Variants in EPG5 observed in about 807,000 individuals in gnomAD.
EPG5 encodes the protein ectopic P granules protein 5 homolog.
Under a neutral mutation model 302.7 loss-of-function variants are expected in EPG5, and 159 were observed. That is an observed-to-expected ratio of 0.53 (90% CI 0.46 to 0.60). The LOEUF (loss-of-function observed/expected upper bound fraction) is 0.60, where lower values mean the gene tolerates loss of function less well. Among genes scored for constraint, EPG5 ranks in the 20% least tolerant of loss-of-function variants. The pLI, the probability that EPG5 is intolerant of heterozygous loss-of-function variation, is 0.00. For missense variants in EPG5, 2,896 were observed against 3,092.4 expected, an observed-to-expected ratio of 0.94 and a Z score of 1.51; for synonymous variants, 1,158 against 1,136.8, an observed-to-expected ratio of 1.02 and a Z score of -0.37.
chr18:45,966,436 G>A (rs1299190557), intron 1 of EPG5, among the ~76,000 whole-genome samples: 2 of 141,596 alleles, frequency 1.4e-5, no homozygotes, highest in Non-Finnish European at 3.0e-5. Flanking sequence ...ATATATGTAC[G>A]TATATATGTA....
chr18:45,962,449 A>T (rs1484730345), intron 1 of EPG5, among the ~76,000 whole-genome samples: 3 of 152,190 alleles, frequency 2.0e-5, no homozygotes, highest in Non-Finnish European at 4.4e-5. Flanking sequence ...CAAATCTAAG[A>T]ATCTACTGTA....
intron 29 of EPG5, among the ~76,000 whole-genome samples, chr18:45,886,229 A>T (rs751017594): frequency 5.9e-5 from 9 of 152,208 alleles, no homozygotes; most frequent in Admixed American, 1.3e-4. Context: ...ATAGTCCAAC[A>T]AGTTCACAAA....
chr18:45,867,541 G>A (rs770704701), intron 37 of EPG5, 22 bp downstream of exon 37: 1 of 1,606,456 alleles, frequency 6.2e-7, no homozygotes, highest in Admixed American at 1.7e-5. Context: ...CCGAATTTTT[G>A]CCATAAGCTT....
At chr18:45,883,597 A>G (rs1405549911) in intron 30 of EPG5, among the ~76,000 whole-genome samples, 1 of 139,578 alleles carries the variant, frequency 7.2e-6, no homozygotes, top group Non-Finnish European at 1.5e-5. Context: ...AGTAGCTGGG[A>G]GTACCACTAG....
rs748521018 is a variant in EPG5 at position 45,930,836 on chromosome 18, A to G, written c.2258-6T>C. On this transcript the variant is annotated splice_region_variant and splice_polypyrimidine_tract_variant and intron_variant, in intron 11 of 43. Transcript: ENST00000282041. ...GTTGGTAAAATGTTCTGGGTCTGCA[A>G]GTTCATATCAAGAAAATTAGAGTGG... is the stretch of plus-strand genomic sequence containing the variant. The G allele has an allele frequency of 6.3e-7, 1 of 1,577,044 alleles. No individual in the cohort carries two copies. Among genetic ancestry groups the G allele is most frequent in the East Asian group, 2.3e-5 (1 of 43,570 alleles).
rs749690561 is a variant in EPG5, at chr18:45,967,251, C to G, written c.-12G>C. ...ACCGCCTCGGCCATAGACCCTTCCG[C>G]GGCGCCGTCACCGTTTGTTTTTGTC... On this transcript the variant is annotated 5_prime_UTR_variant, in exon 1 of 44. Coordinates refer to ENST00000282041, the MANE Select transcript of EPG5 (RefSeq NM_020964.3). 1.3e-6 allele frequency: 2 copies of G among 1,584,574 alleles called. No individual in the cohort carries two copies. The highest frequency in any genetic ancestry group is 8.6e-7 in the Non-Finnish European group (1 of 1,165,688).
chr18:45,929,975 T>G (rs1225210249), intron 12 of EPG5, among the ~76,000 whole-genome samples: 2 of 152,334 alleles, frequency 1.3e-5, no homozygotes, highest in African/African-American at 4.8e-5. Flanking sequence ...GAGGAGATAT[T>G]TTGTATGCAG....
At chr18:45,837,767 AACG>A in the EPG5 span, 1 of 1,522,916 alleles carries the variant, frequency 6.6e-7, no homozygotes, top group Non-Finnish European at 8.7e-7. Context: ...CCCGCGCCGC[AACG>A]ACCTCTCGCT....
At chr18:45,911,279 G>A (rs1302645535) in intron 22 of EPG5, among the ~76,000 whole-genome samples, 1 of 147,620 alleles carries the variant, frequency 6.8e-6, no homozygotes, top group African/African-American at 2.5e-5. Context: ...ATGCGCCACT[G>A]CGCTGGGTTG....
At chr18:45,815,080 C>A in the EPG5 span, among the ~76,000 whole-genome samples, 3 of 152,138 alleles carry the variant, frequency 2.0e-5, no homozygotes, top group Admixed American at 1.3e-4. Context: ...GTTGGGTAGA[C>A]CTGCTAGATG....
rs779751217 is a variant in EPG5, at chr18:45,912,419, G to A, written c.3854C>T (p.Ser1285Phe). The change falls in exon 22 of 44, where the codon TCC becomes TTC. Residue 1285 changes from serine (S) to phenylalanine (F), a missense_variant. Coordinates refer to ENST00000282041, the MANE Select transcript of EPG5 (RefSeq NM_020964.3). ...QTQLKLPIVPSLQRLLIYRWA... is the reference protein window; with the variant it reads ...QTQLKLPIVPFLQRLLIYRWA... ...GCGATAAATCAGCAGCCTCTGGAGG[G>A]ATGGCACGATGGGGAGCTTCAGCTG... The A allele has an allele frequency of 2.5e-6, 4 of 1,605,458 alleles. No individual in the cohort carries two copies. In the Admixed American group the frequency reaches 5.3e-5, roughly 21 times the overall value.
At position 45,866,896 on chromosome 18, in the gene EPG5, A is replaced by G; in HGVS notation, c.6523T>C (p.Ser2175Pro). Residue 2175 changes from serine (S) to proline (P), a missense_variant, in exon 38 of 44, where the codon TCC (serine) becomes CCC (proline). Ser to Pro is a moderately conservative substitution (Grantham distance 74, BLOSUM62 -1). Coordinates refer to ENST00000282041, the MANE Select transcript of EPG5 (RefSeq NM_020964.3). ...TAAGATTCTTTTGCCAGGATGATGG[A>G]CGGCGGGTAATGGCTGCTGAAATAA... ...LSYFSSHYPP[S>P]IILAKESYAE... The G allele has an allele frequency of 6.2e-7, 1 of 1,614,148 alleles. No homozygotes were observed. Among genetic ancestry groups the G allele is most frequent in the Non-Finnish European group, 8.5e-7 (1 of 1,179,982 alleles).
intron 31 of EPG5, 130 bp downstream of exon 31, chr18:45,882,144 G>T: frequency 2.5e-6 from 2 of 802,790 alleles, no homozygotes; most frequent in Admixed American, 2.8e-5. Flanking sequence ...CCCTTTAGAT[G>T]ACAATTAGTG....
rs1425360781 is a variant in EPG5 at position 45,852,299 on chromosome 18, A to C, written c.*168T>G. 4 of 606,746 alleles carry C rather than the reference A, an allele frequency of 6.6e-6. No homozygotes were observed. The highest frequency in any genetic ancestry group is 1.9e-5 in the African/African-American group (1 of 53,388). The allele number at this position is 606,746 out of a possible 1,614,324, so 37.6% of individuals were successfully genotyped here. ...TAAGAAAACACACACACACACACAC[A>C]CACACCCCAAAATTATCTAATATCT... On this transcript the variant is annotated 3_prime_UTR_variant, in exon 44 of 44. Transcript: ENST00000282041.
chr18:45,815,124 G>C, the EPG5 span, among the ~76,000 whole-genome samples: 1 of 152,176 alleles, frequency 6.6e-6, no homozygotes, highest in Non-Finnish European at 1.5e-5. Context: ...TTCAGGCACA[G>C]CTACCATTTA....
At chr18:45,883,626 T>TG (rs1568120302) in intron 30 of EPG5, among the ~76,000 whole-genome samples, 12 of 137,126 alleles carry the variant, frequency 8.8e-5, no homozygotes, top group African/African-American at 3.2e-4. Context: ...TTTTTTTTTT[T>TG]TTTTTTTTTT....
intron 30 of EPG5, among the ~76,000 whole-genome samples, 174 bp downstream of exon 30, chr18:45,884,443 A>G (rs2049174327): frequency 6.6e-6 from 1 of 152,194 alleles, no homozygotes; most frequent in Admixed American, 6.5e-5. Context: ...CCCACCCCCT[A>G]AGAAGCAGCT....
intron 39 of EPG5, among the ~76,000 whole-genome samples, chr18:45,861,657 T>C (rs532635948): frequency 3.5e-4 from 54 of 152,370 alleles, no homozygotes; most frequent in Admixed American, 8.5e-4. Flanking sequence ...GCCAGGCTGA[T>C]GCTAAAATTT....
chr18:45,934,981 G>A lies in EPG5; in HGVS notation c.2100-15C>T. 1 of 1,590,602 alleles carries A rather than the reference G, an allele frequency of 6.3e-7. No homozygotes were observed. Reference sequence around the variant, plus strand: ...AAATGCCAAGTCTGCATGTAAGCAGGAATCATTTTATTTATTAATCAGCTT... The same window carrying A: ...AAATGCCAAGTCTGCATGTAAGCAGAAATCATTTTATTTATTAATCAGCTT... On this transcript the variant is annotated splice_polypyrimidine_tract_variant and intron_variant, in intron 10 of 43. Coordinates refer to ENST00000282041, the MANE Select transcript of EPG5 (RefSeq NM_020964.3).
Sources: allele counts gnomAD v4.1 joint callset (sites outside exome capture counted in the v4.1 genomes callset), GRCh38; gene constraint gnomAD v4.1.1; transcripts MANE v1.5; gene names NCBI Gene and HGNC (gene_info 2026-07-23, HGNC 2026-07-21).